LMNB1: variants seen among roughly 807,000 people sequenced by gnomAD.
LMNB1 encodes lamin-B1.
In LMNB1, 23 loss-of-function variants were observed where a neutral mutation model predicts 67.1. That is an observed-to-expected ratio of 0.34 (90% CI 0.25 to 0.49). The LOEUF (loss-of-function observed/expected upper bound fraction) is 0.49, where lower values mean the gene tolerates loss of function less well. Ranked by LOEUF, LMNB1 falls within the 20% of genes least tolerant of loss-of-function variation. The probability of loss-of-function intolerance (pLI) is 0.99; values close to 1 mark genes in which losing one functional copy is unlikely to be tolerated. For missense variants in LMNB1, 634 were observed against 746.5 expected, an observed-to-expected ratio of 0.85 and a Z score of 1.76; for synonymous variants, 281 against 282.9, an observed-to-expected ratio of 0.99 and a Z score of 0.07.
intron 1 of LMNB1, among the ~76,000 whole-genome samples, chr5:126,787,548 T>TATATATATATATATA (rs1348320183): frequency 4.7e-5 from 3 of 63,540 alleles, no homozygotes; most frequent in African/African-American, 2.0e-4. Context: ...ATATATATAT[T>TATATATATATATATA]TTTTTTTTTT....
chr5:126,826,248 G>A (rs1392305406), intron 9 of LMNB1, 141 bp downstream of exon 9: 17 of 968,668 alleles, frequency 1.8e-5, no homozygotes, highest in African/African-American at 3.3e-5. Context: ...AACTGAAGCT[G>A]TCTTTAAGTT....
chr5:126,796,088 A>G (rs1295338405), intron 1 of LMNB1, among the ~76,000 whole-genome samples: 2 of 151,162 alleles, frequency 1.3e-5, no homozygotes, highest in Non-Finnish European at 2.9e-5. Context: ...ATGCACCACT[A>G]CGCCCGGCCA....
intron 1 of LMNB1, among the ~76,000 whole-genome samples, chr5:126,789,797 C>CT (rs1239231183): frequency 6.6e-6 from 1 of 152,100 alleles, no homozygotes; most frequent in Admixed American, 6.6e-5. Flanking sequence ...CCTCAGCCTC[C>CT]TGAGTAGCTG....
intron 9 of LMNB1, among the ~76,000 whole-genome samples, chr5:126,831,395 A>G (rs1752126073): frequency 6.6e-6 from 1 of 152,240 alleles, no homozygotes; most frequent in South Asian, 2.1e-4. Context: ...AGCATTTTCC[A>G]CAGGAAAGTA....
intron 1 of LMNB1, among the ~76,000 whole-genome samples, chr5:126,782,926 G>C (rs1742035933): frequency 6.6e-6 from 1 of 151,962 alleles, no homozygotes; most frequent in South Asian, 2.1e-4. Flanking sequence ...CTTTGGCTGG[G>C]CGTGGTGGCT....
chr5:126,836,639 G>A lies in LMNB1; in HGVS notation c.*375G>A. The A allele has an allele frequency of 2.8e-6, 1 of 360,710 alleles. No individual in the cohort carries two copies. Among genetic ancestry groups the A allele is most frequent in the Non-Finnish European group, 4.9e-6 (1 of 204,302 alleles). 22.3% of individuals were successfully genotyped at this position (360,710 alleles called of 1,614,324 possible). On this transcript the variant is annotated 3_prime_UTR_variant, in exon 11 of 11. Coordinates refer to ENST00000261366, the MANE Select transcript of LMNB1 (RefSeq NM_005573.4). ...TTTGAAGATTGCCCCATCTAGACTA[G>A]CAATCTCTTCATTATTCTCTGCTAT...
intron 6 of LMNB1, among the ~76,000 whole-genome samples, chr5:126,819,974 G>A (rs775751852): frequency 1.3e-5 from 2 of 151,902 alleles, no homozygotes; most frequent in South Asian, 2.1e-4. Flanking sequence ...GTGAAACTCC[G>A]TCTCTAATGA....
intron 3 of LMNB1, among the ~76,000 whole-genome samples, chr5:126,807,488 CT>C (rs781426695): frequency 5.9e-5 from 9 of 152,182 alleles, no homozygotes; most frequent in African/African-American, 1.2e-4. Context: ...AATACTAATA[CT>C]GCTATTTTTT....
At chr5:126,779,672 C>G (rs567907865) in intron 1 of LMNB1, among the ~76,000 whole-genome samples, 112 of 150,884 alleles carry the variant, frequency 7.4e-4, no homozygotes, top group African/African-American at 2.5e-3. Context: ...GCGAGGTGAG[C>G]GGATCACTTG....
Position 126,804,807 on chromosome 5 carries a change from G to T in LMNB1, c.391G>T (p.Ala131Ser), listed in dbSNP as rs373303194. Reference protein sequence around the residue: ...YAKKESDLNGAQIKLREYEAA... With the variant: ...YAKKESDLNGSQIKLREYEAA... ...TAAGAAGGAATCTGATCTTAATGGC[G>T]CCCAGATCAAGCTTCGAGAATATGA... is the stretch of plus-strand genomic sequence containing the variant. The change falls in exon 2 of 11, where the codon GCC (alanine) becomes TCC (serine). Residue 131 changes from alanine to serine, a missense_variant. Ala to Ser is a moderately conservative substitution (Grantham distance 99). Coordinates refer to ENST00000261366, the MANE Select transcript of LMNB1 (RefSeq NM_005573.4). 1.2e-6 allele frequency: 2 copies of T among 1,613,908 alleles called. No homozygotes were observed. Among genetic ancestry groups the T allele is most frequent in the Non-Finnish European group, 8.5e-7 (1 of 1,179,904 alleles).
intron 6 of LMNB1, among the ~76,000 whole-genome samples, chr5:126,820,310 A>G (rs566676620): frequency 6.6e-6 from 1 of 152,322 alleles, no homozygotes; most frequent in Middle Eastern, 3.4e-3. Flanking sequence ...GTGGTGGTAG[A>G]TCAGATGACT....
At chr5:126,829,818 A>T (rs982605754) in intron 9 of LMNB1, among the ~76,000 whole-genome samples, 1 of 151,930 alleles carries the variant, frequency 6.6e-6, no homozygotes, top group Non-Finnish European at 1.5e-5. Flanking sequence ...GCCACATTGC[A>T]CTGGGCTCCT....
chr5:126,828,452 T>C (rs1234038137), intron 9 of LMNB1, among the ~76,000 whole-genome samples: 1 of 152,220 alleles, frequency 6.6e-6, no homozygotes, highest in Admixed American at 6.5e-5. Flanking sequence ...ATGGGATGCA[T>C]CTTCAGACAG....
chr5:126,784,272 G>GCCCGCCT (rs751906498), intron 1 of LMNB1, among the ~76,000 whole-genome samples: 194 of 151,668 alleles, frequency 1.3e-3, no homozygotes, highest in Non-Finnish European at 1.5e-3. Context: ...TGGATGATCC[G>GCCCGCCT]CCCGCCTTGG....
chr5:126,798,104 C>G (rs1041150794), intron 1 of LMNB1, among the ~76,000 whole-genome samples: 3 of 151,872 alleles, frequency 2.0e-5, no homozygotes, highest in African/African-American at 7.3e-5. Context: ...CCACTGCACT[C>G]CAGTCTGGGC....
Position 126,777,685 on chromosome 5 carries a change from G to A in LMNB1, c.177G>A (p.Ala59=). ...KVRSLETENS[A]LQLQVTEREE... is the part of the protein sequence containing the mutation. ...GCAGCCTGGAGACGGAGAACAGCGC[G>A]CTGCAGCTGCAGGTGACGGAGCGCG... The change falls in exon 1 of 11, where the codon GCG becomes GCA. Residue 59 remains alanine, a synonymous_variant. Transcript: ENST00000261366. 6.5e-7 allele frequency: 1 copy of A among 1,545,096 alleles called. No individual in the cohort carries two copies. The highest frequency in any genetic ancestry group is 8.7e-7 in the Non-Finnish European group (1 of 1,144,784).
chr5:126,787,546 A>ATATATATATATATATATATATATAT, intron 1 of LMNB1, among the ~76,000 whole-genome samples: 1 of 65,584 alleles, frequency 1.5e-5, no homozygotes, highest in African/African-American at 6.6e-5. Flanking sequence ...ATATATATAT[A>ATATATATATATATATATATATATAT]TTTTTTTTTT....
intron 1 of LMNB1, among the ~76,000 whole-genome samples, chr5:126,795,318 T>C (rs968465119): frequency 3.9e-5 from 6 of 152,004 alleles, no homozygotes. Context: ...TTGTATTCTT[T>C]GTAGAAATGG....
At chr5:126,813,390 C>G (rs1751626395) in intron 5 of LMNB1, among the ~76,000 whole-genome samples, 1 of 152,226 alleles carries the variant, frequency 6.6e-6, no homozygotes, top group East Asian at 1.9e-4. Flanking sequence ...AGGCTGCAGA[C>G]TGATAAATGG....
Sources: gnomAD v4.1 joint callset for allele counts (sites outside exome capture counted in the v4.1 genomes callset) on GRCh38, gnomAD v4.1.1 for gene constraint, MANE v1.5 for transcripts, NCBI Gene and HGNC (gene_info 2026-07-23, HGNC 2026-07-21) for gene names.